The following ATG5 variants were observed in gnomAD, a reference collection of about 807,000 sequenced individuals.
ATG5 encodes the protein autophagy protein 5.
Under a neutral mutation model 36.5 loss-of-function variants are expected in ATG5, and 14 were observed. The observed-to-expected ratio is 0.38, with a 90% CI of 0.25 to 0.60. The LOEUF is 0.60. Ranked by LOEUF, ATG5 falls within the 20% of genes least tolerant of loss-of-function variation. ATG5 has a pLI of 0.60. For missense variants in ATG5, 195 were observed against 326.7 expected, an observed-to-expected ratio of 0.60 and a Z score of 3.11; for synonymous variants, 95 against 101.5, an observed-to-expected ratio of 0.94 and a Z score of 0.38.
intron 6 of ATG5, among the ~76,000 whole-genome samples, chr6:106,212,338 A>C (rs1776883234): frequency 6.6e-6 from 1 of 152,220 alleles, no homozygotes; most frequent in Non-Finnish European, 1.5e-5. Flanking sequence ...CTACCTTCCA[A>C]AATTAAAAAC....
At chr6:106,229,481 G>C (rs1297598475) in intron 6 of ATG5, among the ~76,000 whole-genome samples, 3 of 152,114 alleles carry the variant, frequency 2.0e-5, no homozygotes, top group Non-Finnish European at 4.4e-5. Context: ...ACAGAGAGGA[G>C]AGGGAGAGAG....
At chr6:106,260,943 G>T (rs1778995261) in intron 5 of ATG5, among the ~76,000 whole-genome samples, 1 of 152,146 alleles carries the variant, frequency 6.6e-6, no homozygotes. Flanking sequence ...CAATACAAAT[G>T]ATTTCTAGGC....
intron 6 of ATG5, among the ~76,000 whole-genome samples, chr6:106,229,775 T>C (rs1341793808): frequency 6.6e-6 from 1 of 152,172 alleles, no homozygotes. Context: ...ATGGCCCAAA[T>C]GCATTCAATC....
At chr6:106,319,755 T>C (rs188512548) in intron 1 of ATG5, among the ~76,000 whole-genome samples, 1 of 152,344 alleles carries the variant, frequency 6.6e-6, no homozygotes, top group African/African-American at 2.4e-5. Flanking sequence ...TAGATTCCGT[T>C]AGGGAGAAGG....
At chr6:106,228,491 C>A (rs1777535843) in intron 6 of ATG5, among the ~76,000 whole-genome samples, 1 of 152,106 alleles carries the variant, frequency 6.6e-6, no homozygotes, top group South Asian at 2.1e-4. Flanking sequence ...TCTAATAGAG[C>A]TATAACACTC....
chr6:106,290,185 C>T (rs187519426), intron 4 of ATG5, among the ~76,000 whole-genome samples: 59 of 150,084 alleles, frequency 3.9e-4, no homozygotes, highest in African/African-American at 1.1e-3. Context: ...TGCCACCATA[C>T]TTGGCTTATT....
intron 6 of ATG5, among the ~76,000 whole-genome samples, chr6:106,232,772 C>T (rs1016820206): frequency 6.6e-5 from 10 of 152,150 alleles, no homozygotes; most frequent in African/African-American, 2.4e-4. Flanking sequence ...CCCTCTATAC[C>T]TAGCTGTACC....
chr6:106,212,471 T>C (rs543652920), intron 6 of ATG5, among the ~76,000 whole-genome samples: 1 of 152,252 alleles, frequency 6.6e-6, no homozygotes, highest in African/African-American at 2.4e-5. Context: ...TGAACCCGTC[T>C]CTAACAAAAA....
intron 4 of ATG5, among the ~76,000 whole-genome samples, chr6:106,281,498 A>G (rs1779876691): frequency 1.3e-5 from 2 of 152,224 alleles, no homozygotes; most frequent in African/African-American, 4.8e-5. Context: ...GTTACTACAC[A>G]TATCAGTAAT....
chr6:106,231,277 G>A (rs1777678897), intron 6 of ATG5, among the ~76,000 whole-genome samples: 1 of 152,212 alleles, frequency 6.6e-6, no homozygotes, highest in Non-Finnish European at 1.5e-5. Flanking sequence ...GATATGGAGA[G>A]ATATAATGTT....
rs746894949 is a variant in ATG5 at position 106,293,064 on chromosome 6, A to G, written c.279T>C (p.Ser93=). 6.2e-7 allele frequency: 1 copy of G among 1,613,748 alleles called. No individual in the cohort carries two copies. ...CTGTGATGTTCCAAGGAAGAGCTGA[A>G]CTTGATGCAAGAAGATCAAATAGCA... ...IGLLFDLLAS[S]SALPWNITVH... is the part of the protein sequence containing the mutation. The change falls in exon 4 of 8, where the codon AGT becomes AGC. Residue 93 remains serine, a synonymous_variant. Transcript: ENST00000369076.
intron 1 of ATG5, among the ~76,000 whole-genome samples, chr6:106,320,806 A>G (rs745317369): frequency 3.3e-5 from 5 of 152,212 alleles, no homozygotes; most frequent in Non-Finnish European, 7.4e-5. Flanking sequence ...CACCAGTCCT[A>G]TAGTGCCTAC....
intron 3 of ATG5, among the ~76,000 whole-genome samples, chr6:106,297,933 G>GTA (rs1770032143): frequency 6.7e-6 from 1 of 150,306 alleles, no homozygotes; most frequent in Non-Finnish European, 1.5e-5. Context: ...GGCATGATCT[G>GTA]TACTCAACAG....
At position 106,256,908 on chromosome 6, in the gene ATG5, T is replaced by C. The variant is rs148715583; in HGVS notation, c.479-8664A>G. Among the ~76,000 whole-genome samples, 207 of 152,342 alleles carry C rather than the reference T, an allele frequency of 1.4e-3. 3 individuals carry two copies. The highest frequency in any genetic ancestry group is 4.9e-3 in the African/African-American group (202 of 41,580). On this transcript the variant is annotated intron_variant, in intron 5 of 7. Coordinates refer to ENST00000369076, the MANE Select transcript of ATG5 (RefSeq NM_004849.4). ...TTTAAAAATTAACTTAAGCTTACTATAGCTTTTTCACTTTATAAACATTTT... is the reference window on the plus strand; with the variant it reads ...TTTAAAAATTAACTTAAGCTTACTACAGCTTTTTCACTTTATAAACATTTT...
intron 6 of ATG5, among the ~76,000 whole-genome samples, chr6:106,203,477 A>T (rs1273327418): frequency 1.3e-5 from 2 of 152,384 alleles, no homozygotes; most frequent in East Asian, 3.9e-4. Context: ...TGTTAAAGAG[A>T]ATAAAAGCAT....
At chr6:106,321,269 A>T (rs1205543707) in intron 1 of ATG5, among the ~76,000 whole-genome samples, 1 of 152,078 alleles carries the variant, frequency 6.6e-6, no homozygotes. Flanking sequence ...GTATGTTTTT[A>T]GTACACAGTT....
At chr6:106,244,108 G>A (rs1778241276) in intron 6 of ATG5, among the ~76,000 whole-genome samples, 1 of 151,136 alleles carries the variant, frequency 6.6e-6, no homozygotes, top group Admixed American at 6.6e-5. Context: ...TGTAGAGGTG[G>A]GGTCTCACTA....
At chr6:106,219,968 A>G (rs1777178581) in intron 6 of ATG5, among the ~76,000 whole-genome samples, 1 of 152,116 alleles carries the variant, frequency 6.6e-6, no homozygotes, top group East Asian at 1.9e-4. Flanking sequence ...ATCCCCTCCA[A>G]GCAATATAAC....
At chr6:106,220,672 C>A (rs1445291881) in intron 6 of ATG5, among the ~76,000 whole-genome samples, 1 of 151,920 alleles carries the variant, frequency 6.6e-6, no homozygotes, top group Non-Finnish European at 1.5e-5. Flanking sequence ...AAGAAGGAAC[C>A]ACTACCAAGA....
Sources: allele counts gnomAD v4.1 joint callset (sites outside exome capture counted in the v4.1 genomes callset), GRCh38; gene constraint gnomAD v4.1.1; transcripts MANE v1.5; gene names NCBI Gene and HGNC (gene_info 2026-07-23, HGNC 2026-07-21).